The following NCALD variants were observed in gnomAD, a reference collection of about 807,000 sequenced individuals.
NCALD encodes neurocalcin delta.
A neutral mutation model predicts 18.6 loss-of-function variants in NCALD; 10 were observed. That is an observed-to-expected ratio of 0.54 (90% CI 0.33 to 0.91). The LOEUF (loss-of-function observed/expected upper bound fraction) is 0.91, where lower values mean the gene tolerates loss of function less well. NCALD is among the 40% of genes least tolerant of loss of function. The pLI, the probability that NCALD is intolerant of heterozygous loss-of-function variation, is 0.03. For missense variants in NCALD, 184 were observed against 247.6 expected, an observed-to-expected ratio of 0.74 and a Z score of 1.72; for synonymous variants, 88 against 87.4, an observed-to-expected ratio of 1.01 and a Z score of -0.04.
At chr8:101,854,892 A>G (rs1398858167) in intron 4 of NCALD, among the ~76,000 whole-genome samples, 2 of 152,196 alleles carry the variant, frequency 1.3e-5, no homozygotes, top group Admixed American at 6.5e-5. Flanking sequence ...AGCATGCACT[A>G]TTAGGTACTA....
At chr8:102,040,725 C>T (rs549841627) in intron 1 of NCALD, among the ~76,000 whole-genome samples, 1 of 152,248 alleles carries the variant, frequency 6.6e-6, no homozygotes, top group African/African-American at 2.4e-5. Flanking sequence ...GAGATGAGGA[C>T]ACAGACCCAA....
chr8:102,027,152 C>T (rs987018048), intron 1 of NCALD, among the ~76,000 whole-genome samples: 2 of 152,222 alleles, frequency 1.3e-5, no homozygotes, highest in Non-Finnish European at 2.9e-5. Context: ...GCCATGGAGA[C>T]ATTTCCCCAT....
At chr8:102,093,412 T>TTCTCTCCTATCTCCTAGGC (rs1403941269) in intron 1 of NCALD, among the ~76,000 whole-genome samples, 2 of 152,222 alleles carry the variant, frequency 1.3e-5, no homozygotes, top group Non-Finnish European at 2.9e-5. Context: ...CTCTCCTATC[T>TTCTCTCCTATCTCCTAGGC]ACATTATTGA....
chr8:101,801,735 C>T (rs958659297), intron 4 of NCALD, among the ~76,000 whole-genome samples: 7 of 133,638 alleles, frequency 5.2e-5, no homozygotes, highest in Admixed American at 8.9e-5. Context: ...GGCACTATCT[C>T]GGCTCACTGC....
rs574423150 is a variant in NCALD at position 101,864,597 on chromosome 8, T to TTC, written c.-20+22543_-20+22544insGA. ...TGTTCCAATTTTCTTTCCTTTCTTTTTTTTTTTTTTTTCTGAGACGGAGTT... is the reference window on the plus strand; with the variant it reads ...TGTTCCAATTTTCTTTCCTTTCTTTTTCTTTTTTTTTTTTCTGAGACGGAGTT... On this transcript the variant is annotated intron_variant, in intron 4 of 6. Coordinates refer to the NCALD transcript ENST00000311028. 2.0e-4 allele frequency among the ~76,000 whole-genome samples: 30 copies of TTC among 151,208 alleles called. No homozygotes were observed. In the East Asian group the frequency reaches 5.4e-3, roughly 27 times the overall value.
chr8:102,020,550 C>T (rs577061501), intron 1 of NCALD: 1 of 152,262 alleles, frequency 6.6e-6, no homozygotes, highest in South Asian at 2.1e-4. Context: ...CTCCAGGATT[C>T]CCTTGTATCA....
chr8:101,873,121 TG>T (rs1816088613), intron 4 of NCALD, among the ~76,000 whole-genome samples: 7 of 152,258 alleles, frequency 4.6e-5, no homozygotes, highest in Admixed American at 4.6e-4. Context: ...CATTGACTTC[TG>T]TTTTTTAAGC....
intron 4 of NCALD, among the ~76,000 whole-genome samples, chr8:101,864,426 T>A (rs1815674219): frequency 6.6e-6 from 1 of 152,036 alleles, no homozygotes; most frequent in African/African-American, 2.4e-5. Flanking sequence ...CATGGAAAAG[T>A]AGAATCTTAA....
At chr8:102,023,097 A>G (rs922081232) in intron 1 of NCALD, among the ~76,000 whole-genome samples, 1 of 152,202 alleles carries the variant, frequency 6.6e-6, no homozygotes, top group African/African-American at 2.4e-5. Flanking sequence ...CCTTTCAAAA[A>G]TTTCATTTGA....
At chr8:102,002,187 C>G (rs1016838443) in intron 2 of NCALD, among the ~76,000 whole-genome samples, 1 of 152,046 alleles carries the variant, frequency 6.6e-6, no homozygotes, top group African/African-American at 2.4e-5. Context: ...GGAAGATCTA[C>G]CAAGCAAATG....
intron 1 of NCALD, among the ~76,000 whole-genome samples, chr8:101,778,680 G>GA (rs1162769173): frequency 2.0e-5 from 3 of 151,912 alleles, no homozygotes; most frequent in Non-Finnish European, 4.4e-5. Context: ...GAAAATATGG[G>GA]AAAAAAGTTA....
chr8:102,104,100 C>T (rs760078836), intron 1 of NCALD, among the ~76,000 whole-genome samples: 7 of 152,174 alleles, frequency 4.6e-5, no homozygotes, highest in African/African-American at 1.7e-4. Context: ...TATCCGCACG[C>T]GTGAAGACTT....
intron 2 of NCALD, among the ~76,000 whole-genome samples, chr8:101,698,070 A>G (rs574040064): frequency 1.3e-5 from 2 of 152,324 alleles, no homozygotes; most frequent in South Asian, 4.1e-4. Context: ...TTAAGCTGAT[A>G]AGCAACTTCA....
At chr8:101,705,442 C>A (rs962624433) in intron 2 of NCALD, among the ~76,000 whole-genome samples, 2 of 151,904 alleles carry the variant, frequency 1.3e-5, no homozygotes, top group South Asian at 4.2e-4. Flanking sequence ...TTGTGAAGAT[C>A]GTATTTTCCA....
At chr8:101,784,288 G>C (rs1203634678) in intron 1 of NCALD, among the ~76,000 whole-genome samples, 2 of 152,002 alleles carry the variant, frequency 1.3e-5, no homozygotes, top group African/African-American at 4.8e-5. Flanking sequence ...ATGTGGTCTG[G>C]GTTTCCTACA....
At position 101,971,897 on chromosome 8, in the gene NCALD, A is replaced by G. The variant is rs565171860; in HGVS notation, c.-157+48340T>C. Among the ~76,000 whole-genome samples, 14 of 152,290 alleles carry G rather than the reference A, an allele frequency of 9.2e-5. No homozygotes were observed. The East Asian group carries it at 2.7e-3, about 29-fold the overall frequency. ...TCCCTTCATCTTATGCCTGCCACATATGAGAAATCTGGAAAAGACATGAGA... is the reference window on the plus strand; with the variant it reads ...TCCCTTCATCTTATGCCTGCCACATGTGAGAAATCTGGAAAAGACATGAGA... On this transcript the variant is annotated intron_variant, in intron 2 of 6. Transcript: ENST00000311028.
At chr8:101,999,732 C>G (rs1292176395) in intron 2 of NCALD, among the ~76,000 whole-genome samples, 3 of 151,598 alleles carry the variant, frequency 2.0e-5, no homozygotes, top group Non-Finnish European at 4.4e-5. Context: ...TAAAAGTAGG[C>G]TATTATTCTC....
intron 1 of NCALD, among the ~76,000 whole-genome samples, chr8:102,118,182 GC>G (rs1825845920): frequency 6.6e-6 from 1 of 152,200 alleles, no homozygotes; most frequent in Non-Finnish European, 1.5e-5. Context: ...AGTGGCTGGG[GC>G]CTTTATCCAC....
chr8:101,859,743 A>AT (rs1815464041), intron 4 of NCALD, among the ~76,000 whole-genome samples: 1 of 152,222 alleles, frequency 6.6e-6, no homozygotes, highest in Non-Finnish European at 1.5e-5. Context: ...AGAGTAGTGC[A>AT]TTAAACCAAG....
Sources: allele counts gnomAD v4.1 joint callset (sites outside exome capture counted in the v4.1 genomes callset), GRCh38; gene constraint gnomAD v4.1.1; transcripts MANE v1.5; gene names NCBI Gene and HGNC (gene_info 2026-07-23, HGNC 2026-07-21).